Variants in NEBL observed in about 807,000 individuals in gnomAD.
The protein encoded by NEBL is nebulette, also known as LIM and SH3 protein 2.
In NEBL, 122 loss-of-function variants were observed where a neutral mutation model predicts 140.2. The ratio of observed to expected loss-of-function variants is 0.87; its 90% CI spans 0.75 to 1.01. The LOEUF is 1.01. Among genes scored for constraint, NEBL ranks in the 50% least tolerant of loss-of-function variants. NEBL has a pLI of 0.00. For synonymous variants in NEBL, 436 were observed against 398.9 expected, an observed-to-expected ratio of 1.09 and a Z score of -1.11; for missense variants, 1,365 against 1,231.3, an observed-to-expected ratio of 1.11 and a Z score of -1.62.
rs78972282 is a variant in NEBL, at chr10:21,068,160, T to G, written c.165-47959A>C. Among the ~76,000 whole-genome samples the G allele has an allele frequency of 3.5e-3, 530 of 152,352 alleles. 25 individuals carry two copies. The East Asian group carries it at 0.083, about 24-fold the overall frequency. ...ACACTTTACATTTTTTCCTTCTTTT[T>G]ACAGATATTAATTACATGGTTTTAG... is the stretch of plus-strand genomic sequence containing the variant. On this transcript the variant is annotated intron_variant, in intron 2 of 6. Transcript: ENST00000417816.
chr10:21,013,085 G>T (rs539607446), intron 3 of NEBL, among the ~76,000 whole-genome samples: 3 of 152,104 alleles, frequency 2.0e-5, no homozygotes, highest in African/African-American at 7.2e-5. Flanking sequence ...CAATGGGGGC[G>T]TGGGGGCAGG....
At chr10:21,218,833 C>CT (rs1842032011) in intron 3 of NEBL, among the ~76,000 whole-genome samples, 1 of 152,180 alleles carries the variant, frequency 6.6e-6, no homozygotes, top group Admixed American at 6.5e-5. Context: ...TGAGTAGGAA[C>CT]TATATGGAGA....
At chr10:21,002,687 G>A (rs764640623) in intron 3 of NEBL, among the ~76,000 whole-genome samples, 2 of 152,056 alleles carry the variant, frequency 1.3e-5, no homozygotes, top group Non-Finnish European at 2.9e-5. Context: ...AATGGAGTAC[G>A]AAAGAGAGCG....
intron 2 of NEBL, among the ~76,000 whole-genome samples, chr10:21,140,922 A>C (rs532782627): frequency 9.2e-5 from 14 of 152,216 alleles, no homozygotes; most frequent in African/African-American, 3.1e-4. Context: ...ACAAACCTGC[A>C]TGTTCTGCAC....
intron 3 of NEBL, among the ~76,000 whole-genome samples, chr10:21,222,763 GT>G: frequency 6.6e-6 from 1 of 152,014 alleles, no homozygotes; most frequent in Non-Finnish European, 1.5e-5. Context: ...TGCTCTTTTA[GT>G]TTTCTTTTTT....
chr10:21,207,568 G>A (rs1293025176), intron 3 of NEBL, among the ~76,000 whole-genome samples: 6 of 152,046 alleles, frequency 3.9e-5, no homozygotes, highest in Non-Finnish European at 5.9e-5. Context: ...TGCCCTAGAA[G>A]CCTGACCCTG....
At chr10:21,008,988 A>G (rs879427837) in intron 3 of NEBL, among the ~76,000 whole-genome samples, 10 of 151,884 alleles carry the variant, frequency 6.6e-5, no homozygotes, top group Admixed American at 5.9e-4. Flanking sequence ...TAAGACATTA[A>G]GTGGTATTCC....
chr10:20,947,598 T>C (rs964703469), intron 4 of NEBL, among the ~76,000 whole-genome samples: 7 of 152,224 alleles, frequency 4.6e-5, no homozygotes, highest in African/African-American at 1.7e-4. Context: ...AAAACAGCAC[T>C]GATGAGCTTC....
chr10:20,838,654 A>G (rs570625840), intron 13 of NEBL, among the ~76,000 whole-genome samples: 1 of 152,150 alleles, frequency 6.6e-6, no homozygotes, highest in African/African-American at 2.4e-5. Flanking sequence ...CTACAGAGAA[A>G]TCTTTCATGA....
intron 2 of NEBL, among the ~76,000 whole-genome samples, chr10:21,119,175 A>C (rs1838412079): frequency 6.6e-6 from 1 of 152,122 alleles, no homozygotes. Context: ...GACAATAATA[A>C]CATGTCATTT....
chr10:21,147,506 C>G (rs970335863), intron 2 of NEBL, among the ~76,000 whole-genome samples: 1 of 151,724 alleles, frequency 6.6e-6, no homozygotes, highest in Non-Finnish European at 1.5e-5. Context: ...CTAACTTTAC[C>G]TCCTGATTTC....
intron 2 of NEBL, among the ~76,000 whole-genome samples, chr10:20,895,716 A>G (rs536150817): frequency 6.9e-4 from 105 of 152,324 alleles, no homozygotes; most frequent in African/African-American, 2.4e-3. Flanking sequence ...TGTCAAGTAT[A>G]TGGGAAAGGG....
At chr10:20,920,103 A>T (rs952102329) in intron 4 of NEBL, among the ~76,000 whole-genome samples, 1 of 152,216 alleles carries the variant, frequency 6.6e-6, no homozygotes, top group African/African-American at 2.4e-5. Context: ...AAAGAACATG[A>T]CATTTTATAC....
chr10:21,110,239 T>G (rs1032118527), intron 2 of NEBL, among the ~76,000 whole-genome samples: 1 of 152,156 alleles, frequency 6.6e-6, no homozygotes, highest in East Asian at 1.9e-4. Flanking sequence ...AATTGATACT[T>G]TTTCCTTCAA....
chr10:21,261,089 G>A (rs1348521191), intron 1 of NEBL, among the ~76,000 whole-genome samples: 1 of 152,096 alleles, frequency 6.6e-6, no homozygotes, highest in African/African-American at 2.4e-5. Context: ...GAGGATAGTT[G>A]TCCGCTTGAA....
intron 26 of NEBL, among the ~76,000 whole-genome samples, chr10:20,805,229 A>G (rs941600077): frequency 1.2e-4 from 19 of 152,192 alleles, no homozygotes; most frequent in Admixed American, 7.9e-4. Context: ...GGAAGGGGGA[A>G]GCAGAGAGGT....
chr10:20,848,315 T>C (rs1247476149), intron 11 of NEBL, among the ~76,000 whole-genome samples: 1 of 152,240 alleles, frequency 6.6e-6, no homozygotes, highest in African/African-American at 2.4e-5. Flanking sequence ...CCATTAAATG[T>C]AAATTTTTGT....
At chr10:20,988,859 G>C (rs1335889363) in intron 3 of NEBL, among the ~76,000 whole-genome samples, 1 of 152,206 alleles carries the variant, frequency 6.6e-6, no homozygotes. Flanking sequence ...AACTTCTTGG[G>C]AGCATTTGAG....
At chr10:21,090,744 T>TCATTAGC (rs1836874955) in intron 2 of NEBL, among the ~76,000 whole-genome samples, 1 of 152,158 alleles carries the variant, frequency 6.6e-6, no homozygotes, top group Non-Finnish European at 1.5e-5. Context: ...CCTGGTTTTG[T>TCATTAGC]CATTAGCCAG....
Sources: gnomAD v4.1 joint callset for allele counts (sites outside exome capture counted in the v4.1 genomes callset) on GRCh38, gnomAD v4.1.1 for gene constraint, MANE v1.5 for transcripts, NCBI Gene and HGNC (gene_info 2026-07-23, HGNC 2026-07-21) for gene names.